The following UBR1 variants were observed in gnomAD, a reference collection of about 807,000 sequenced individuals.
The protein encoded by UBR1 is E3 ubiquitin-protein ligase UBR1.
UBR1 carries 102 observed loss-of-function variants against 242.1 expected under a neutral mutation model. The observed-to-expected ratio is 0.42, with a 90% CI of 0.36 to 0.50. The LOEUF is 0.50. UBR1 is among the 20% of genes least tolerant of loss of function. UBR1 has a pLI of 0.01. For synonymous variants in UBR1, 675 were observed against 684.8 expected (o/e 0.99, Z 0.22); for missense variants, 1,772 against 2,101.8 (o/e 0.84, Z 3.07).
At chr15:43,030,700 G>A (rs1224668247) in intron 20 of UBR1, among the ~76,000 whole-genome samples, 1 of 152,140 alleles carries the variant, frequency 6.6e-6, no homozygotes, top group African/African-American at 2.4e-5. Flanking sequence ...AACTTCACCG[G>A]TGTCAACAGC....
chr15:43,024,668 G>A (rs1434365519), intron 25 of UBR1, among the ~76,000 whole-genome samples, 161 bp downstream of exon 25: 3 of 152,066 alleles, frequency 2.0e-5, no homozygotes, highest in African/African-American at 7.2e-5. Flanking sequence ...AAAAACACGA[G>A]ATCACTAAAA....
chr15:42,987,852 T>C (rs554069584), intron 35 of UBR1, among the ~76,000 whole-genome samples: 2 of 151,560 alleles, frequency 1.3e-5, no homozygotes, highest in South Asian at 4.2e-4. Context: ...AAAATATATA[T>C]ATTGAAAGGG....
At chr15:42,945,571 C>T (rs147169390) in intron 46 of UBR1, 101 bp from the exon 47 acceptor site, 65 of 1,445,322 alleles carry the variant, frequency 4.5e-5, no homozygotes, top group Middle Eastern at 1.8e-4. Flanking sequence ...TTCCTGGAGC[C>T]GGGAGGACTC....
chr15:43,018,415 A>T (rs536070192), intron 27 of UBR1, among the ~76,000 whole-genome samples: 2 of 151,920 alleles, frequency 1.3e-5, no homozygotes, highest in South Asian at 4.2e-4. Context: ...CATTCGACAG[A>T]GTTTCAGTCT....
rs374947974 is a variant in UBR1, at chr15:42,995,388, G to A, written c.3757+2780C>T. Among the ~76,000 whole-genome samples the A allele has an allele frequency of 9.2e-5, 14 of 151,908 alleles. No homozygotes were observed. In the East Asian group the frequency reaches 1.7e-3, roughly 19 times the overall value. On this transcript the variant is annotated intron_variant, in intron 33 of 46. Transcript: ENST00000290650. ...AAAACAAGTAGCAAAGGCTGGGCAC[G>A]GTGGCTCACGCCTGTAATCCCAGCA...
intron 24 of UBR1, 63 bp downstream of exon 24, chr15:43,025,318 C>T: frequency 2.0e-6 from 3 of 1,494,076 alleles, no homozygotes; most frequent in South Asian, 1.2e-5. Context: ...AAACTATATG[C>T]TTTGCTGATG....
Position 42,945,102 on chromosome 15 carries a change from A to G in UBR1, c.*227T>C. 1 of 553,858 alleles carries G rather than the reference A, an allele frequency of 1.8e-6. No homozygotes were observed. The allele number at this position is 553,858 out of a possible 1,614,324, so 34.3% of individuals were successfully genotyped here. On this transcript the variant is annotated 3_prime_UTR_variant, in exon 47 of 47. Transcript: ENST00000290650. Reference sequence around the variant, plus strand: ...TATGAAGGGGAATAAATTCCTGGAAATACTAGCACATAAAACAGATTGATC... The same window carrying G: ...TATGAAGGGGAATAAATTCCTGGAAGTACTAGCACATAAAACAGATTGATC...
At chr15:43,029,636 A>G (rs185751388) in intron 21 of UBR1, among the ~76,000 whole-genome samples, 56 of 152,228 alleles carry the variant, frequency 3.7e-4, no homozygotes, top group Non-Finnish European at 5.9e-4. Context: ...TAAAAATCTT[A>G]ATGTTTTGTC....
At chr15:42,993,557 G>A (rs372352423) in intron 33 of UBR1, among the ~76,000 whole-genome samples, 7 of 152,034 alleles carry the variant, frequency 4.6e-5, no homozygotes, top group African/African-American at 9.6e-5. Flanking sequence ...TAGTAGAGAC[G>A]GGGTTTCACC....
intron 6 of UBR1, among the ~76,000 whole-genome samples, chr15:43,063,882 A>G (rs1304472990): frequency 6.6e-6 from 1 of 152,098 alleles, no homozygotes; most frequent in African/African-American, 2.4e-5. Context: ...GTTTACAGGC[A>G]TGCACCACCA....
intron 12 of UBR1, among the ~76,000 whole-genome samples, 154 bp downstream of exon 12, chr15:43,054,588 T>G (rs2033593992): frequency 6.6e-6 from 1 of 152,182 alleles, no homozygotes; most frequent in African/African-American, 2.4e-5. Flanking sequence ...CTGAAGACAT[T>G]TATTAACGCG....
Position 43,038,876 on chromosome 15 carries a change from A to C in UBR1, c.1850-644T>G, listed in dbSNP as rs112544153. Among the ~76,000 whole-genome samples, 522 of 152,158 alleles carry C rather than the reference A, an allele frequency of 3.4e-3. 2 individuals carry two copies. The highest frequency in any genetic ancestry group is 0.012 in the African/African-American group (497 of 41,536). Reference sequence around the variant, plus strand: ...TTTCATTAAAAAGGTACTTTTAACAAAAATTTTTATTTTCATTAAAAAGGC... The same window carrying C: ...TTTCATTAAAAAGGTACTTTTAACACAAATTTTTATTTTCATTAAAAAGGC... On this transcript the variant is annotated intron_variant, in intron 15 of 46. Transcript: ENST00000290650.
chr15:42,982,790 C>T lies in UBR1; in HGVS notation c.4150+1107G>A, dbSNP rs150314764. Reference sequence around the variant, plus strand: ...AAGAAAATTATGCCTGGATTTAAAGCGTAAAAAATCTGAATAACTCTTATT... The same window carrying T: ...AAGAAAATTATGCCTGGATTTAAAGTGTAAAAAATCTGAATAACTCTTATT... On this transcript the variant is annotated intron_variant, in intron 37 of 46. Transcript: ENST00000290650. Among the ~76,000 whole-genome samples the T allele has an allele frequency of 9.2e-5, 14 of 152,216 alleles. No homozygotes were observed. The East Asian group carries it at 2.3e-3, about 25-fold the overall frequency.
At chr15:43,084,526 G>A (rs1407182105) in intron 2 of UBR1, among the ~76,000 whole-genome samples, 1 of 152,068 alleles carries the variant, frequency 6.6e-6, no homozygotes, top group Non-Finnish European at 1.5e-5. Context: ...GCACAATCTC[G>A]GCTCACCACA....
At chr15:43,062,192 T>C (rs138146071) in intron 6 of UBR1, among the ~76,000 whole-genome samples, 5 of 152,190 alleles carry the variant, frequency 3.3e-5, no homozygotes, top group African/African-American at 7.2e-5. Context: ...TGTGTATCCA[T>C]GTTCATAAGA....
chr15:43,091,820 T>C (rs1329492165), intron 1 of UBR1: 1 of 304,652 alleles, frequency 3.3e-6, no homozygotes, highest in African/African-American at 2.5e-5. Flanking sequence ...TAATCCCAGC[T>C]ACTCAGGAGG....
At chr15:43,035,252 A>C (rs2033317606) in intron 19 of UBR1, among the ~76,000 whole-genome samples, 1 of 152,228 alleles carries the variant, frequency 6.6e-6, no homozygotes, top group Non-Finnish European at 1.5e-5. Context: ...AAAAGTGATC[A>C]TTTCTAGGAA....
At chr15:43,055,785 C>T (rs1454527003) in intron 11 of UBR1, among the ~76,000 whole-genome samples, 2 of 151,944 alleles carry the variant, frequency 1.3e-5, no homozygotes, top group African/African-American at 4.8e-5. Context: ...CGTGGTGGTG[C>T]CTGCCCGTAG....
rs59226555 is a variant in UBR1, at chr15:43,064,108, T to C, written c.798+3790A>G. Among the ~76,000 whole-genome samples, 983 of 152,364 alleles carry C rather than the reference T, an allele frequency of 6.5e-3. 17 individuals carry two copies. The East Asian group carries it at 0.082, about 13-fold the overall frequency. The stretch of plus-strand genomic sequence containing the variant: ...AAGGTAGATTCAATCTGATTCATCT[T>C]GGTATTTCCTCAAAGTGCTTTAATA... On this transcript the variant is annotated intron_variant, in intron 6 of 46. Transcript: ENST00000290650.
Sources: gnomAD v4.1 joint callset for allele counts (sites outside exome capture counted in the v4.1 genomes callset) on GRCh38, gnomAD v4.1.1 for gene constraint, MANE v1.5 for transcripts, NCBI Gene and HGNC (gene_info 2026-07-23, HGNC 2026-07-21) for gene names.